The following SULF1 variants were observed in gnomAD, a reference collection of about 807,000 sequenced individuals.
SULF1 encodes the protein extracellular sulfatase Sulf-1.
A neutral mutation model predicts 110.5 loss-of-function variants in SULF1; 46 were observed. The ratio of observed to expected loss-of-function variants is 0.42; its 90% CI spans 0.33 to 0.53. SULF1 has a LOEUF of 0.53. Ranked by LOEUF, SULF1 falls within the 20% of genes least tolerant of loss-of-function variation. SULF1 has a pLI of 0.12. For synonymous variants in SULF1, 371 were observed against 387.1 expected (o/e 0.96, Z 0.49); for missense variants, 941 against 1,094.2 (o/e 0.86, Z 1.98).
At chr8:69,525,984 C>G (rs770512584) in intron 3 of SULF1, among the ~76,000 whole-genome samples, 10 of 152,110 alleles carry the variant, frequency 6.6e-5, no homozygotes, top group African/African-American at 2.2e-4. Context: ...CACCCTAGCT[C>G]TATTCTTTGG....
chr8:69,514,288 T>G (rs960659114), intron 3 of SULF1, among the ~76,000 whole-genome samples: 1 of 152,152 alleles, frequency 6.6e-6, no homozygotes, highest in Admixed American at 6.5e-5. Context: ...CTTACAATCA[T>G]GGCAGAAGGT....
chr8:69,541,095 A>G (rs1340803188), intron 3 of SULF1, among the ~76,000 whole-genome samples: 1 of 152,186 alleles, frequency 6.6e-6, no homozygotes, highest in Non-Finnish European at 1.5e-5. Context: ...TGGGAGAAGC[A>G]TGATGGAGAA....
chr8:69,627,110 C>T, intron 15 of SULF1, 100 bp from the exon 16 acceptor site: 1 of 869,476 alleles, frequency 1.2e-6, no homozygotes, highest in Non-Finnish European at 1.9e-6. Flanking sequence ...CATGTATCAA[C>T]ATTAAGGATT....
intron 2 of SULF1, among the ~76,000 whole-genome samples, chr8:69,500,678 A>G (rs945100677): frequency 2.0e-5 from 3 of 152,206 alleles, no homozygotes; most frequent in Non-Finnish European, 2.9e-5. Context: ...CCATGGAGAC[A>G]GGATGGAAAA....
At chr8:69,640,699 C>A (rs1376490549) in intron 21 of SULF1, 109 bp from the exon 22 acceptor site, 1 of 879,622 alleles carries the variant, frequency 1.1e-6, no homozygotes, top group Non-Finnish European at 1.7e-6. Context: ...GTATTTAACA[C>A]CATGTGTTTC....
chr8:69,508,131 G>C (rs1459243174), intron 3 of SULF1, among the ~76,000 whole-genome samples: 1 of 150,702 alleles, frequency 6.6e-6, no homozygotes, highest in Non-Finnish European at 1.5e-5. Context: ...TTGAGATGGA[G>C]TTTTGCTCTT....
chr8:69,602,604 G>A (rs1807913215), intron 10 of SULF1, among the ~76,000 whole-genome samples: 1 of 152,190 alleles, frequency 6.6e-6, no homozygotes, highest in Admixed American at 6.5e-5. Flanking sequence ...GGGGCCCAGA[G>A]CCCAGATGTT....
upstream of SULF1, among the ~76,000 whole-genome samples, chr8:69,487,907 T>A (rs1236572231): frequency 6.6e-6 from 1 of 152,208 alleles, no homozygotes; most frequent in Non-Finnish European, 1.5e-5. Flanking sequence ...TGAGTAGCCA[T>A]AACCTTCAGA....
chr8:69,469,358 G>A (rs1808991943), intron 1 of SULF1: 1 of 152,240 alleles, frequency 6.6e-6, no homozygotes, highest in Admixed American at 6.5e-5. Flanking sequence ...AAATAATGGA[G>A]GTTGAGGAGA....
chr8:69,620,949 A>G, intron 13 of SULF1, 86 bp from the exon 14 acceptor site: 4 of 1,214,536 alleles, frequency 3.3e-6, no homozygotes, highest in Non-Finnish European at 4.6e-6. Flanking sequence ...TAAAAAAAAG[A>G]AAAAAGAAAA....
At chr8:69,540,385 A>G (rs1366804606) in intron 3 of SULF1, among the ~76,000 whole-genome samples, 1 of 152,244 alleles carries the variant, frequency 6.6e-6, no homozygotes, top group African/African-American at 2.4e-5. Context: ...ATTGTAAGTC[A>G]TTTGGTATAA....
intron 6 of SULF1, among the ~76,000 whole-genome samples, chr8:69,582,811 G>A (rs958564925): frequency 3.9e-5 from 6 of 152,142 alleles, no homozygotes; most frequent in African/African-American, 1.2e-4. Context: ...GCTTTTGAAC[G>A]TTAGTGGGGT....
chr8:69,550,067 G>A (rs1814582337), intron 3 of SULF1, among the ~76,000 whole-genome samples: 1 of 151,312 alleles, frequency 6.6e-6, no homozygotes, highest in African/African-American at 2.4e-5. Context: ...GCTCATTTTT[G>A]CCCCCCAAAA....
In SULF1 at chr8:69,603,638, C is replaced by T; in HGVS notation, c.1229C>T (p.Thr410Ile). Reference sequence around the variant, plus strand: ...AAGAAGGCCAAAATTTGGCGTGATACATTCCTAGTGGAAAGAGGGTAATTA... The same window carrying T: ...AAGAAGGCCAAAATTTGGCGTGATATATTCCTAGTGGAAAGAGGGTAATTA... ...TNKKAKIWRD[T>I]FLVERGKFLR... The change falls in exon 12 of 23, where the codon ACA (threonine) becomes ATA (isoleucine). Residue 410 changes from threonine (T) to isoleucine (I), a missense_variant. By Grantham distance (89) the Thr-to-Ile change is moderately conservative. Around this residue, in one of 3 missense-constraint regions of SULF1, gnomAD observed 822 missense variants for 934.3 expected, o/e 0.88. Coordinates refer to ENST00000402687, the MANE Select transcript of SULF1 (RefSeq NM_001128205.2). 1.2e-6 allele frequency: 2 copies of T among 1,613,314 alleles called. No homozygotes were observed. Among genetic ancestry groups the T allele is most frequent in the Non-Finnish European group, 1.7e-6 (2 of 1,179,210 alleles).
chr8:69,627,201 G>T lies in SULF1; in HGVS notation c.1851-9G>T. ...AACCTATTTCACATGGTTTTGGTTTGTTTTGCAGGTGTTTTATTCTTCCCA... is the reference window on the plus strand; with the variant it reads ...AACCTATTTCACATGGTTTTGGTTTTTTTTGCAGGTGTTTTATTCTTCCCA... On this transcript the variant is annotated splice_polypyrimidine_tract_variant and intron_variant, in intron 15 of 22. Transcript: ENST00000402687. 1.9e-6 allele frequency: 3 copies of T among 1,610,746 alleles called. No homozygotes were observed. The South Asian group carries it at 3.3e-5, about 18-fold the overall frequency.
intron 5 of SULF1, among the ~76,000 whole-genome samples, chr8:69,564,893 C>A (rs1208818372): frequency 1.3e-5 from 2 of 152,226 alleles, no homozygotes; most frequent in Non-Finnish European, 2.9e-5. Context: ...GAAGTTGTCA[C>A]TACCACTCCT....
At chr8:69,495,668 A>G (rs539627862) in intron 1 of SULF1, 97 bp from the exon 2 acceptor site, 1 of 152,372 alleles carries the variant, frequency 6.6e-6, no homozygotes, top group East Asian at 1.9e-4. Flanking sequence ...AAATGAGCAG[A>G]GACTAAAGAT....
At chr8:69,510,610 GT>G (rs796862089) in intron 3 of SULF1, among the ~76,000 whole-genome samples, 87 of 92,138 alleles carry the variant, frequency 9.4e-4, no homozygotes, top group African/African-American at 2.8e-3. Context: ...TTTTTGGTGG[GT>G]TTTTTTTTGT....
chr8:69,505,104 A>G (rs1431954338), intron 3 of SULF1, among the ~76,000 whole-genome samples: 1 of 152,238 alleles, frequency 6.6e-6, no homozygotes, highest in Non-Finnish European at 1.5e-5. Context: ...AGCAAATCTC[A>G]GAAGCTGCCC....
Sources: gnomAD v4.1 joint callset for allele counts (sites outside exome capture counted in the v4.1 genomes callset) on GRCh38, gnomAD v4.1.1 for gene constraint, gnomAD v4.1.1 regional missense constraint, MANE v1.5 for transcripts, NCBI Gene and HGNC (gene_info 2026-07-23, HGNC 2026-07-21) for gene names.